Variants in MAPK6 observed in about 807,000 individuals in gnomAD.
The protein encoded by MAPK6 is mitogen-activated protein kinase 6, also known as ERK-3.
A neutral mutation model predicts 59.3 loss-of-function variants in MAPK6; 19 were observed. The ratio of observed to expected loss-of-function variants is 0.32; its 90% confidence interval spans 0.22 to 0.47. The LOEUF is 0.47. Among genes scored for constraint, MAPK6 ranks in the 20% least tolerant of loss-of-function variants. The pLI, the probability that MAPK6 is intolerant of heterozygous loss-of-function variation, is 1.00. For synonymous variants in MAPK6, 316 were observed against 290.3 expected, an observed-to-expected ratio of 1.09 and a Z score of -0.90; for missense variants, 724 against 847.9, an observed-to-expected ratio of 0.85 and a Z score of 1.81.
intron 1 of MAPK6, among the ~76,000 whole-genome samples, chr15:51,976,594 ATGT>A (rs1420551560): frequency 2.6e-5 from 4 of 151,882 alleles, no homozygotes; most frequent in Non-Finnish European, 5.9e-5. Context: ...TGGAATTAAA[ATGT>A]TGTCAGATTT....
chr15:51,980,553 AT>A (rs1026592294), intron 1 of MAPK6, among the ~76,000 whole-genome samples: 14 of 148,346 alleles, frequency 9.4e-5, no homozygotes, highest in African/African-American at 3.5e-4. Flanking sequence ...TGCCTCAAGT[AT>A]TTTTTTGTGT....
At chr15:52,042,053 T>C (rs2031438830) in intron 1 of MAPK6, among the ~76,000 whole-genome samples, 1 of 152,216 alleles carries the variant, frequency 6.6e-6, no homozygotes, top group South Asian at 2.1e-4. Context: ...CGTGACTGAA[T>C]TGGAAACACT....
chr15:51,999,891 G>A (rs2057237447), intron 2 of MAPK6, among the ~76,000 whole-genome samples: 1 of 152,030 alleles, frequency 6.6e-6, no homozygotes, highest in African/African-American at 2.4e-5. Flanking sequence ...TAATCTGCCT[G>A]TCTTGGCCTC....
upstream of MAPK6, among the ~76,000 whole-genome samples, chr15:52,016,070 G>GCGCGCGCACATA: frequency 1.8e-5 from 1 of 55,392 alleles, no homozygotes; most frequent in Non-Finnish European, 3.4e-5. Context: ...GCGCGCGCGC[G>GCGCGCGCACATA]CACACACACA....
rs1426770347 is a variant in MAPK6 at position 51,974,681 on chromosome 15, A to AAG, written c.-880+2775_-880+2776insAG. 2.9e-3 allele frequency among the ~76,000 whole-genome samples: 370 copies of AAG among 126,808 alleles called. 15 individuals carry two copies. Among genetic ancestry groups the AAG allele is most frequent in the Admixed American group, 3.6e-3 (39 of 10,760 alleles). 83.2% of individuals were successfully genotyped at this position (126,808 alleles called of 152,430 possible). A position where few individuals can be genotyped will look rare whatever the true frequency, so the allele number is the denominator to read the frequency against. ...CTCAAAAAAAAAAAAAAAAAAAAAA[A>AAG]GATGATCTTGACATTTGTTCCTAGG... On this transcript the variant is annotated intron_variant, in intron 1 of 7. Coordinates refer to the MAPK6 transcript ENST00000691380.
chr15:52,061,350 C>T lies in MAPK6; in HGVS notation c.917C>T (p.Thr306Ile). The T allele has an allele frequency of 6.2e-7, 1 of 1,614,122 alleles. No individual in the cohort carries two copies. The highest frequency in any genetic ancestry group is 8.5e-7 in the Non-Finnish European group (1 of 1,179,978). The part of the protein sequence containing the change: ...ILTFSPMDRL[T>I]AEEALSHPYM... ...ACATTTAGCCCCATGGATCGGTTAA[C>T]AGCAGAAGAAGCACTCTCCCATCCT... Residue 306 changes from threonine (T) to isoleucine (I), a missense_variant, in exon 5 of 6, where the codon ACA (threonine) becomes ATA (isoleucine). Thr to Ile is a moderately conservative substitution (Grantham distance 89). Coordinates refer to ENST00000261845, the MANE Select transcript of MAPK6 (RefSeq NM_002748.4).
chr15:51,997,993 G>A (rs1209540892), intron 2 of MAPK6, among the ~76,000 whole-genome samples: 2 of 148,574 alleles, frequency 1.3e-5, no homozygotes. Flanking sequence ...CACCAGGCTG[G>A]AGTGCAGTGG....
In MAPK6 at chr15:52,066,358, C is replaced by G. The variant is rs1013220565; in HGVS notation, c.*1358C>G. 6.6e-6 allele frequency: 1 copy of G among 152,098 alleles called. No individual in the cohort carries two copies. Among genetic ancestry groups the G allele is most frequent in the African/African-American group, 2.4e-5 (1 of 41,406 alleles). 9.4% of individuals were successfully genotyped at this position (152,098 alleles called of 1,614,324 possible). On this transcript the variant is annotated 3_prime_UTR_variant, in exon 6 of 6. Transcript: ENST00000261845. ...TGAATTATGGCCATAAATTGCTAGT[C>G]TGAAAGGCTGAGAAGGTTCAAGTCT... is the stretch of plus-strand genomic sequence containing the variant.
chr15:52,019,710 C>A (rs1346605008), intron 1 of MAPK6, among the ~76,000 whole-genome samples: 1 of 150,320 alleles, frequency 6.7e-6, no homozygotes, highest in Non-Finnish European at 1.5e-5. Context: ...CCTGCCAGGC[C>A]GCGCCCGCTC....
At chr15:52,061,012 C>T (rs75897026) in intron 4 of MAPK6, among the ~76,000 whole-genome samples, 4,183 of 152,234 alleles carry the variant, frequency 0.027, 210 homozygotes, top group African/African-American at 0.097. Context: ...ATATATTAGG[C>T]CGGGATTACA....
At position 52,046,787 on chromosome 15, in the gene MAPK6, G is replaced by A. The variant is rs1328943463; in HGVS notation, c.327G>A (p.Glu109=). The change falls in exon 2 of 6, where the codon GAG becomes GAA. Residue 109 remains glutamate, a synonymous_variant. Transcript: ENST00000261845. ...TELNSVYIVQ[E]YMETDLANVL... ...TGAACAGTGTTTACATTGTTCAGGA[G>A]TACATGGAGACAGACTTGGCTAATG... is the stretch of plus-strand genomic sequence containing the variant. The A allele has an allele frequency of 6.2e-7, 1 of 1,613,970 alleles. No homozygotes were observed. Among genetic ancestry groups the A allele is most frequent in the Non-Finnish European group, 8.5e-7 (1 of 1,179,920 alleles).
intron 1 of MAPK6, among the ~76,000 whole-genome samples, chr15:52,020,592 C>T (rs965095676): frequency 1.3e-5 from 2 of 152,176 alleles, no homozygotes; most frequent in South Asian, 4.1e-4. Flanking sequence ...TCCAATTGCA[C>T]ATGTCCTCCC....
rs2032421549 is a variant in MAPK6 at position 52,066,330 on chromosome 15, CT to C, written c.*1333del. 6.6e-6 allele frequency: 1 copy of C among 152,198 alleles called. No individual in the cohort carries two copies. The highest frequency in any genetic ancestry group is 2.4e-5 in the African/African-American group (1 of 41,442). 9.4% of individuals were successfully genotyped at this position (152,198 alleles called of 1,614,324 possible). On this transcript the variant is annotated 3_prime_UTR_variant, in exon 6 of 6. Coordinates refer to ENST00000261845, the MANE Select transcript of MAPK6 (RefSeq NM_002748.4). ...AGAATGAAAATTACTACCAGAATCA[CT>C]TTGAATTATGGCCATAAATTGCTAG...
At chr15:52,037,793 C>T (rs1343898255) in intron 1 of MAPK6, among the ~76,000 whole-genome samples, 2 of 152,148 alleles carry the variant, frequency 1.3e-5, no homozygotes, top group East Asian at 1.9e-4. Context: ...TAGGACTTCC[C>T]TTCTCCAAAG....
intron 1 of MAPK6, among the ~76,000 whole-genome samples, chr15:51,978,893 G>A (rs971235705): frequency 2.6e-5 from 4 of 151,686 alleles, no homozygotes; most frequent in African/African-American, 9.7e-5. Flanking sequence ...GGCCAAGGTG[G>A]GCAGATCGTT....
chr15:51,980,149 G>A (rs1336049203), intron 1 of MAPK6, among the ~76,000 whole-genome samples: 1 of 151,394 alleles, frequency 6.6e-6, no homozygotes, highest in Admixed American at 6.6e-5. Context: ...ACAAAAATTA[G>A]CCGGGCGTGG....
chr15:52,048,274 C>G (rs2031659223), intron 2 of MAPK6, among the ~76,000 whole-genome samples: 2 of 152,058 alleles, frequency 1.3e-5, no homozygotes, highest in South Asian at 4.1e-4. Context: ...CTCAGCCTCC[C>G]AAGTAGCTGG....
At position 52,056,666 on chromosome 15, in the gene MAPK6, A is replaced by C. The variant is rs191922641; in HGVS notation, c.701-1967A>C. The C allele has an allele frequency of 2.0e-5, 3 of 152,122 alleles. No homozygotes were observed. In the East Asian group the frequency reaches 5.8e-4, roughly 29 times the overall value. The allele number at this position is 152,122 out of a possible 1,614,324, so 9.4% of individuals were successfully genotyped here. A position where few individuals can be genotyped will look rare whatever the true frequency, so the allele number is the denominator to read the frequency against. ...TTTTTCACCTGTCTTTGGGCACGCCACTCTTGAATTCTTCCCTGGCCTCTT... is the reference window on the plus strand; with the variant it reads ...TTTTTCACCTGTCTTTGGGCACGCCCCTCTTGAATTCTTCCCTGGCCTCTT... On this transcript the variant is annotated intron_variant, in intron 3 of 5. Coordinates refer to ENST00000261845, the MANE Select transcript of MAPK6 (RefSeq NM_002748.4).
chr15:52,029,713 CCAT>C (rs1253104397), intron 1 of MAPK6, among the ~76,000 whole-genome samples: 1 of 152,154 alleles, frequency 6.6e-6, no homozygotes, highest in Admixed American at 6.5e-5. Context: ...CATAGCTAAT[CCAT>C]CATCAAGTTC....
Sources: gnomAD v4.1 joint callset for allele counts (sites outside exome capture counted in the v4.1 genomes callset) on GRCh38, gnomAD v4.1.1 for gene constraint, MANE v1.5 for transcripts, NCBI Gene and HGNC (gene_info 2026-07-23, HGNC 2026-07-21) for gene names.